EPB41L4B: variants seen among roughly 807,000 people sequenced by gnomAD.
The protein encoded by EPB41L4B is erythrocyte membrane protein band 4.1 like 4B.
EPB41L4B carries 30 observed loss-of-function variants against 112.5 expected under a neutral mutation model. That is an observed-to-expected ratio of 0.27 (90% CI 0.20 to 0.36). EPB41L4B has a LOEUF of 0.36. Among genes scored for constraint, EPB41L4B ranks in the 10% least tolerant of loss-of-function variants. EPB41L4B has a pLI of 1.00. For missense variants in EPB41L4B, 1,024 were observed against 1,133.3 expected, an observed-to-expected ratio of 0.90 and a Z score of 1.38; for synonymous variants, 408 against 439.7, an observed-to-expected ratio of 0.93 and a Z score of 0.90.
At chr9:109,276,389 T>C (rs149330074) in intron 2 of EPB41L4B, among the ~76,000 whole-genome samples, 73 of 151,992 alleles carry the variant, frequency 4.8e-4, no homozygotes, top group African/African-American at 1.7e-3. Flanking sequence ...AGAAACAGCA[T>C]AAGCAAAGGC....
At chr9:109,185,442 C>G in intron 23 of EPB41L4B, 47 bp downstream of exon 23, 2 of 1,559,814 alleles carry the variant, frequency 1.3e-6, no homozygotes, top group Non-Finnish European at 1.8e-6. Flanking sequence ...GGCTCCTGCC[C>G]ACCTCACCTC....
intron 17 of EPB41L4B, among the ~76,000 whole-genome samples, chr9:109,210,869 T>C (rs1833142719): frequency 6.6e-6 from 1 of 152,232 alleles, no homozygotes; most frequent in Non-Finnish European, 1.5e-5. Context: ...AGATACTTTG[T>C]TGTTCAATAT....
intron 1 of EPB41L4B, among the ~76,000 whole-genome samples, chr9:109,309,742 A>T (rs1329787096): frequency 6.8e-6 from 1 of 147,034 alleles, no homozygotes; most frequent in Non-Finnish European, 1.5e-5. Flanking sequence ...TCTATTATTA[A>T]GAAATACACA....
chr9:109,266,012 A>C (rs1184257520), intron 4 of EPB41L4B, among the ~76,000 whole-genome samples: 2 of 152,216 alleles, frequency 1.3e-5, no homozygotes, highest in African/African-American at 4.8e-5. Context: ...GTTCTAGTAC[A>C]TTCCAGAATG....
intron 2 of EPB41L4B, among the ~76,000 whole-genome samples, chr9:109,279,287 G>C (rs559717629): frequency 1.2e-4 from 18 of 151,836 alleles, no homozygotes; most frequent in Admixed American, 1.2e-3. Context: ...GATCGATTGA[G>C]CTCACTGCAG....
chr9:109,181,147 G>C (rs562617888), intron 24 of EPB41L4B, among the ~76,000 whole-genome samples: 2 of 152,086 alleles, frequency 1.3e-5, no homozygotes, highest in Non-Finnish European at 2.9e-5. Context: ...GGGTAACTGG[G>C]ACTACAGGCA....
At chr9:109,269,166 G>T (rs1835519353) in intron 2 of EPB41L4B, among the ~76,000 whole-genome samples, 1 of 152,170 alleles carries the variant, frequency 6.6e-6, no homozygotes, top group African/African-American at 2.4e-5. Flanking sequence ...TGGTCTTGAG[G>T]TTGTCGTCCT....
chr9:109,274,059 C>T (rs1485939365), intron 2 of EPB41L4B, among the ~76,000 whole-genome samples: 1 of 152,186 alleles, frequency 6.6e-6, no homozygotes, highest in Non-Finnish European at 1.5e-5. Context: ...ATGTACCAAC[C>T]TCACTATGCA....
chr9:109,287,969 T>C (rs1372794554), intron 1 of EPB41L4B, among the ~76,000 whole-genome samples: 1 of 152,238 alleles, frequency 6.6e-6, no homozygotes, highest in African/African-American at 2.4e-5. Flanking sequence ...GCTCAAGTCA[T>C]GTCACTTTGT....
chr9:109,314,759 T>C (rs1050458077), intron 1 of EPB41L4B, among the ~76,000 whole-genome samples: 1 of 151,980 alleles, frequency 6.6e-6, no homozygotes, highest in Non-Finnish European at 1.5e-5. Context: ...GTGGGGCAAG[T>C]AGTGGAAGGC....
intron 16 of EPB41L4B, among the ~76,000 whole-genome samples, chr9:109,215,444 T>G (rs1833328177): frequency 6.6e-6 from 1 of 152,058 alleles, no homozygotes; most frequent in South Asian, 2.1e-4. Context: ...CAGGCCCAGC[T>G]AATTTTTGTA....
intron 17 of EPB41L4B, among the ~76,000 whole-genome samples, chr9:109,211,666 A>G (rs1199215089): frequency 6.7e-6 from 1 of 150,164 alleles, no homozygotes; most frequent in Admixed American, 6.6e-5. Flanking sequence ...AGTCAAAATT[A>G]TCTGTATAAT....
chr9:109,178,791 A>G (rs1275740181), intron 24 of EPB41L4B, among the ~76,000 whole-genome samples: 2 of 151,332 alleles, frequency 1.3e-5, no homozygotes, highest in African/African-American at 4.9e-5. Flanking sequence ...ATTTGCACTG[A>G]TGGTGCAAAG....
intron 17 of EPB41L4B, among the ~76,000 whole-genome samples, chr9:109,213,353 T>C (rs1274405008): frequency 6.6e-6 from 1 of 152,144 alleles, no homozygotes; most frequent in African/African-American, 2.4e-5. Context: ...ACATCTACAA[T>C]GTGCCAGGCA....
chr9:109,305,914 ACT>A (rs1396905061), intron 1 of EPB41L4B, among the ~76,000 whole-genome samples: 2 of 151,882 alleles, frequency 1.3e-5, no homozygotes, highest in Non-Finnish European at 2.9e-5. Flanking sequence ...GCAGAGCGAG[ACT>A]CTGTCTCAAA....
intron 16 of EPB41L4B, among the ~76,000 whole-genome samples, chr9:109,216,309 A>G (rs1234609251): frequency 6.6e-6 from 1 of 152,124 alleles, no homozygotes; most frequent in East Asian, 1.9e-4. Flanking sequence ...ATCTATTCAT[A>G]AGAGTGGAAC....
chr9:109,256,228 CA>C lies in EPB41L4B; in HGVS notation c.841-5del, dbSNP rs1564298351. 6.2e-7 allele frequency: 1 copy of C among 1,613,832 alleles called. No homozygotes were observed. The highest frequency in any genetic ancestry group is 2.2e-5 in the East Asian group (1 of 44,892). ...AATATTCACAGCCATCTCTTCCCTA[CA>C]AACAAACGAAGTGACAATCGGTAGA... On this transcript the variant is annotated splice_polypyrimidine_tract_variant and splice_region_variant and intron_variant, in intron 8 of 25. Transcript: ENST00000374566.
intron 20 of EPB41L4B, 48 bp downstream of exon 20, chr9:109,200,188 T>C (rs1832773491): frequency 6.8e-7 from 1 of 1,474,880 alleles, no homozygotes; most frequent in Admixed American, 1.7e-5. Context: ...TCTAAACAAT[T>C]AGTCATCATA....
Position 109,320,338 on chromosome 9 carries a change from GC to G in EPB41L4B, c.108del (p.Pro37HisfsTer61). 2.0e-6 allele frequency: 2 copies of G among 987,218 alleles called. No homozygotes were observed. Among genetic ancestry groups the G allele is most frequent in the Non-Finnish European group, 2.4e-6 (2 of 832,354 alleles). The allele number at this position is 987,218 out of a possible 1,614,324, so 61.2% of individuals were successfully genotyped here. Reference sequence around the variant, plus strand: ...GCGGCGGCGGCCGGGCCCCCCCGTGGCCCCCCATCGCGCTCGTCCCCCAGCC... The same window carrying G: ...GCGGCGGCGGCCGGGCCCCCCCGTGGCCCCCATCGCGCTCGTCCCCCAGCC... ...AAGLGDERDGGPRGGPAAAAS... is the reference protein window; with the variant it reads ...AAGLGDERDGXPRGGPAAAAS... On this transcript the variant is annotated frameshift_variant, in exon 1 of 26. Transcript: ENST00000374566. LOFTEE classifies it high-confidence loss of function.
Sources: gnomAD v4.1 joint callset for allele counts (sites outside exome capture counted in the v4.1 genomes callset) on GRCh38, gnomAD v4.1.1 for gene constraint, MANE v1.5 for transcripts, NCBI Gene and HGNC (gene_info 2026-07-23, HGNC 2026-07-21) for gene names.